Variants in GALNTL6 observed in about 807,000 individuals in gnomAD.
The protein encoded by GALNTL6 is polypeptide N-acetylgalactosaminyltransferase like 6.
A neutral mutation model predicts 73.7 loss-of-function variants in GALNTL6; 46 were observed. That is an observed-to-expected ratio of 0.62 (90% CI 0.49 to 0.80). The LOEUF is 0.80. GALNTL6 is among the 30% of genes least tolerant of loss of function. The pLI is 0.00. For missense variants in GALNTL6, 604 were observed against 755.0 expected (o/e 0.80, Z 2.34); for synonymous variants, 259 against 263.7 (o/e 0.98, Z 0.17).
Position 172,546,978 on chromosome 4 carries a change from C to T in GALNTL6, c.553+198289C>T, listed in dbSNP as rs892178552. Among the ~76,000 whole-genome samples the T allele has an allele frequency of 2.6e-5, 4 of 151,228 alleles. No individual in the cohort carries two copies. The South Asian group carries it at 6.3e-4, about 24-fold the overall frequency. On this transcript the variant is annotated intron_variant, in intron 5 of 12. Transcript: ENST00000506823. ...CATGTTGTGAAACTGAAACTCTATG[C>T]GTTCAACAATAGCTCCCCAAGCTCA... is the stretch of plus-strand genomic sequence containing the variant.
chr4:172,234,064 T>G (rs1434896453), intron 3 of GALNTL6, among the ~76,000 whole-genome samples: 3 of 152,062 alleles, frequency 2.0e-5, no homozygotes, highest in Non-Finnish European at 2.9e-5. Flanking sequence ...AGTTGTAATA[T>G]AGAAATGTTA....
At chr4:172,822,861 G>C (rs1159411557) in intron 7 of GALNTL6, among the ~76,000 whole-genome samples, 1 of 152,144 alleles carries the variant, frequency 6.6e-6, no homozygotes, top group Admixed American at 6.5e-5. Context: ...GAGTCTGTCT[G>C]TCTGTCTAAT....
intron 8 of GALNTL6, among the ~76,000 whole-genome samples, chr4:172,892,143 A>G (rs1746066125): frequency 6.6e-6 from 1 of 152,162 alleles, no homozygotes; most frequent in Non-Finnish European, 1.5e-5. Context: ...TATGTCTGTT[A>G]TTTCAGACAT....
chr4:172,021,415 T>C (rs1741396930), intron 2 of GALNTL6, among the ~76,000 whole-genome samples: 1 of 152,008 alleles, frequency 6.6e-6, no homozygotes, highest in East Asian at 1.9e-4. Context: ...CAATGAAAAC[T>C]ATAAGACATT....
At chr4:172,572,544 GT>G (rs1736799596) in intron 5 of GALNTL6, among the ~76,000 whole-genome samples, 1 of 152,054 alleles carries the variant, frequency 6.6e-6, no homozygotes, top group African/African-American at 2.4e-5. Flanking sequence ...ATTGTCATCA[GT>G]TTTTTACATA....
Position 172,043,853 on chromosome 4 carries a change from G to C in GALNTL6, c.139-185803G>C, listed in dbSNP as rs541765409. ...CAAGCAGGCCCTTATTTCATTTTCT[G>C]TTCCATTTAAATGTTCGCTTTAAAT... On this transcript the variant is annotated intron_variant, in intron 2 of 12. Coordinates refer to ENST00000506823, the MANE Select transcript of GALNTL6 (RefSeq NM_001034845.3). Among the ~76,000 whole-genome samples, 3 of 152,084 alleles carry C rather than the reference G, an allele frequency of 2.0e-5. No homozygotes were observed. In the South Asian group the frequency reaches 6.2e-4, roughly 32 times the overall value.
intron 2 of GALNTL6, among the ~76,000 whole-genome samples, chr4:172,098,127 T>A (rs927008274): frequency 6.6e-6 from 1 of 152,122 alleles, no homozygotes; most frequent in East Asian, 1.9e-4. Context: ...TTCCTATGTA[T>A]TAAAAATGTT....
At chr4:171,903,370 G>C (rs1252613625) in intron 2 of GALNTL6, among the ~76,000 whole-genome samples, 1 of 152,100 alleles carries the variant, frequency 6.6e-6, no homozygotes, top group African/African-American at 2.4e-5. Flanking sequence ...CCTAGTCAAA[G>C]AAAGGGGTGA....
chr4:172,400,711 T>C (rs150947562), intron 5 of GALNTL6, among the ~76,000 whole-genome samples: 4 of 151,840 alleles, frequency 2.6e-5, no homozygotes, highest in Non-Finnish European at 4.4e-5. Context: ...CAGGAGTAAG[T>C]TGATGTTAGG....
At chr4:172,476,928 T>A (rs1243980098) in intron 5 of GALNTL6, among the ~76,000 whole-genome samples, 1 of 118,594 alleles carries the variant, frequency 8.4e-6, no homozygotes, top group Non-Finnish European at 2.0e-5. Context: ...GAGACTTTTT[T>A]TTTTTTTTTT....
chr4:172,722,949 T>C (rs1735571825), intron 5 of GALNTL6, among the ~76,000 whole-genome samples: 1 of 152,138 alleles, frequency 6.6e-6, no homozygotes, highest in Non-Finnish European at 1.5e-5. Context: ...AAATCCAACA[T>C]GGGTCTCACT....
intron 2 of GALNTL6, among the ~76,000 whole-genome samples, chr4:172,110,362 A>T (rs1404859773): frequency 2.0e-5 from 3 of 152,208 alleles, no homozygotes; most frequent in Non-Finnish European, 4.4e-5. Flanking sequence ...TATAGCTATC[A>T]TTACATCTGA....
chr4:172,347,345 A>C, intron 4 of GALNTL6, among the ~76,000 whole-genome samples: 1 of 152,160 alleles, frequency 6.6e-6, no homozygotes, highest in East Asian at 1.9e-4. Context: ...TAATTAATAG[A>C]CAAGTAATAT....
At chr4:172,385,643 A>C (rs578102611) in intron 5 of GALNTL6, among the ~76,000 whole-genome samples, 1 of 151,968 alleles carries the variant, frequency 6.6e-6, no homozygotes, top group East Asian at 1.9e-4. Flanking sequence ...TTTACTGTCA[A>C]CCTATTATGT....
intron 3 of GALNTL6, among the ~76,000 whole-genome samples, chr4:172,288,794 T>C (rs1187000196): frequency 2.6e-5 from 4 of 152,212 alleles, no homozygotes; most frequent in African/African-American, 9.6e-5. Flanking sequence ...ACTCGACTAT[T>C]GGCTGAATTG....
intron 2 of GALNTL6, among the ~76,000 whole-genome samples, chr4:171,862,816 G>C (rs1735869238): frequency 6.6e-6 from 1 of 152,066 alleles, no homozygotes; most frequent in Non-Finnish European, 1.5e-5. Context: ...AGTCTTAAGT[G>C]TATGAATGTC....
At chr4:172,714,707 A>G (rs973018349) in intron 5 of GALNTL6, among the ~76,000 whole-genome samples, 5 of 152,154 alleles carry the variant, frequency 3.3e-5, no homozygotes, top group Non-Finnish European at 5.9e-5. Context: ...TACATAGGCC[A>G]TTTAAAATTA....
In GALNTL6 at chr4:172,229,650, C is replaced by T. The variant is rs773451518; in HGVS notation, c.139-6C>T. ...TTTTATGCTTGAATACTTTCCTTTT[C>T]CACAGACATTTCCACTGGGCCTGGG... On this transcript the variant is annotated splice_polypyrimidine_tract_variant and splice_region_variant and intron_variant, in intron 2 of 12. Transcript: ENST00000506823. The T allele has an allele frequency of 6.3e-6, 10 of 1,594,024 alleles. No homozygotes were observed. Among genetic ancestry groups the T allele is most frequent in the South Asian group, 1.1e-5 (1 of 90,434 alleles).
chr4:172,605,078 C>T (rs527359230), intron 5 of GALNTL6, among the ~76,000 whole-genome samples: 4 of 152,202 alleles, frequency 2.6e-5, no homozygotes, highest in African/African-American at 4.8e-5. Flanking sequence ...ATACCACGGA[C>T]GAATTGGAGA....
Sources: allele counts gnomAD v4.1 joint callset (sites outside exome capture counted in the v4.1 genomes callset), GRCh38; gene constraint gnomAD v4.1.1; transcripts MANE v1.5; gene names NCBI Gene and HGNC (gene_info 2026-07-23, HGNC 2026-07-21).